CHD9: variants seen among roughly 807,000 people sequenced by gnomAD.
The protein encoded by CHD9 is chromodomain helicase DNA binding protein 9, also known as ATP-dependent chromatin remodeler CHD9.
In CHD9, 77 loss-of-function variants were observed where a neutral mutation model predicts 316.1. The ratio of observed to expected loss-of-function variants is 0.24; its 90% CI spans 0.20 to 0.29. CHD9 has a LOEUF of 0.29. Among genes scored for constraint, CHD9 ranks in the 10% least tolerant of loss-of-function variants. CHD9 has a pLI of 1.00. For synonymous variants in CHD9, 1,129 were observed against 1,158.3 expected, an observed-to-expected ratio of 0.97 and a Z score of 0.51; for missense variants, 2,763 against 3,438.1, an observed-to-expected ratio of 0.80 and a Z score of 4.91.
intron 2 of CHD9, chr16:53,169,340 A>ATG (rs2042510181): frequency 6.6e-6 from 1 of 152,234 alleles, no homozygotes; most frequent in Admixed American, 6.5e-5. Context: ...AATTACAAGC[A>ATG]TGAGCCATGG....
intron 2 of CHD9, among the ~76,000 whole-genome samples, chr16:53,188,602 CTTTTTTTTTTT>C (rs369979479): frequency 0.053 from 3,739 of 71,210 alleles, 94 homozygotes; most frequent in Middle Eastern, 0.17. Context: ...TGGTCATTAC[CTTTTTTTTTTT>C]TTTTTTTTTT....
intron 1 of CHD9, among the ~76,000 whole-genome samples, chr16:53,110,145 C>T (rs1367856479): frequency 6.6e-6 from 1 of 152,214 alleles, no homozygotes; most frequent in Admixed American, 6.5e-5. Context: ...CCATTACTGT[C>T]TGGTCCCGGT....
chr16:53,114,242 G>T (rs1437939779), intron 1 of CHD9, among the ~76,000 whole-genome samples: 2 of 152,068 alleles, frequency 1.3e-5, no homozygotes, highest in Non-Finnish European at 2.9e-5. Context: ...TCTTCTGTGA[G>T]CATCATTATT....
chr16:53,176,383 G>A (rs2043104696), intron 2 of CHD9, among the ~76,000 whole-genome samples: 1 of 152,128 alleles, frequency 6.6e-6, no homozygotes, highest in African/African-American at 2.4e-5. Flanking sequence ...GGCCTACATG[G>A]ATAATTTAGG....
intron 1 of CHD9, among the ~76,000 whole-genome samples, chr16:53,058,136 T>C (rs1418313326): frequency 6.6e-6 from 1 of 152,214 alleles, no homozygotes; most frequent in East Asian, 1.9e-4. Flanking sequence ...TTTTTGTTTT[T>C]TTGAGATGGA....
Position 53,268,101 on chromosome 16 carries a change from G to A in CHD9, c.4692G>A (p.Gln1564=), listed in dbSNP as rs1335401940. 1.9e-6 allele frequency: 3 copies of A among 1,610,512 alleles called. No homozygotes were observed. The highest frequency in any genetic ancestry group is 4.5e-5 in the East Asian group (2 of 44,712). The change falls in exon 22 of 39, where the codon CAG becomes CAA. Residue 1564 remains glutamine (Q), a synonymous_variant. Coordinates refer to ENST00000447540, the MANE Select transcript of CHD9 (RefSeq NM_001308319.2). ...TCATTACTCCAACTGAAGATGGACA[G>A]ACACGAGAGCTACAGAATCATCTAG... ...WDLITPTEDG[Q]TRELQNHLGL... is the part of the protein sequence containing the mutation.
At chr16:53,066,880 CA>C (rs943018440) in intron 1 of CHD9, among the ~76,000 whole-genome samples, 65 of 151,242 alleles carry the variant, frequency 4.3e-4, no homozygotes, top group African/African-American at 1.5e-3. Context: ...TTTAGATTTA[CA>C]AAAAAAAATT....
chr16:53,321,573 A>C lies in CHD9; in HGVS notation c.7761A>C (p.Leu2587=). ...CTTTGAAAGATTTATGTAGATTCCT[A>C]AAAGAAAATTCAGAATATGGAGTAG... is the stretch of plus-strand genomic sequence containing the variant. ...APPLKDLCRF[L]KENSEYGVAP... Residue 2587 remains leucine (L), a synonymous_variant, in exon 38 of 39, where the codon CTA becomes CTC. Coordinates refer to ENST00000447540, the MANE Select transcript of CHD9 (RefSeq NM_001308319.2). The C allele has an allele frequency of 3.2e-6, 5 of 1,555,062 alleles. No homozygotes were observed. The highest frequency in any genetic ancestry group is 4.4e-6 in the Non-Finnish European group (5 of 1,145,316).
intron 1 of CHD9, among the ~76,000 whole-genome samples, chr16:53,127,478 ACT>A (rs2039020567): frequency 6.6e-6 from 1 of 152,126 alleles, no homozygotes; most frequent in Non-Finnish European, 1.5e-5. Flanking sequence ...GGAATTGGAA[ACT>A]CAGGCTGAGG....
chr16:53,085,239 T>C (rs542444224), intron 1 of CHD9, among the ~76,000 whole-genome samples: 1 of 151,718 alleles, frequency 6.6e-6, no homozygotes, highest in African/African-American at 2.4e-5. Flanking sequence ...TTTTTTTTTT[T>C]TTTTTTTTTT....
intron 15 of CHD9, among the ~76,000 whole-genome samples, chr16:53,246,209 G>T (rs182209642): frequency 6.6e-6 from 1 of 152,278 alleles, no homozygotes; most frequent in East Asian, 1.9e-4. Context: ...CAATTCTTGT[G>T]CTGTAATAAT....
Position 53,207,261 on chromosome 16 carries a change from A to G in CHD9, c.1453-2221A>G, listed in dbSNP as rs2045961600. Among the ~76,000 whole-genome samples, 3 of 152,238 alleles carry G rather than the reference A, an allele frequency of 2.0e-5. No individual in the cohort carries two copies. The South Asian group carries it at 6.2e-4, about 32-fold the overall frequency. On this transcript the variant is annotated intron_variant, in intron 2 of 38. Coordinates refer to ENST00000447540, the MANE Select transcript of CHD9 (RefSeq NM_001308319.2). ...TAAAATAGAATCAATTTTTATAGAA[A>G]GAAAAGTTGTACTGATGTTCAAATT... is the stretch of plus-strand genomic sequence containing the variant.
chr16:53,178,567 C>T (rs949101822), intron 2 of CHD9, among the ~76,000 whole-genome samples: 1 of 151,628 alleles, frequency 6.6e-6, no homozygotes, highest in Non-Finnish European at 1.5e-5. Context: ...CTTCCTGCCT[C>T]AGCCTCCCAT....
chr16:53,254,355 A>G, intron 17 of CHD9, 83 bp from the exon 18 acceptor site: 1 of 938,958 alleles, frequency 1.1e-6, no homozygotes, highest in Non-Finnish European at 1.5e-6. Context: ...GAATTCTTGT[A>G]TGTGTTTATA....
At chr16:53,141,478 T>C (rs2040103053) in intron 1 of CHD9, among the ~76,000 whole-genome samples, 1 of 152,256 alleles carries the variant, frequency 6.6e-6, no homozygotes, top group African/African-American at 2.4e-5. Flanking sequence ...TCATTTTAAC[T>C]CTTTTTTAAG....
intron 1 of CHD9, among the ~76,000 whole-genome samples, chr16:53,070,597 C>T (rs924819684): frequency 6.6e-6 from 1 of 151,436 alleles, no homozygotes; most frequent in African/African-American, 2.4e-5. Flanking sequence ...CTCTGTCACC[C>T]AGGCTGGAGT....
At chr16:53,175,265 A>AC (rs2043025380) in intron 2 of CHD9, among the ~76,000 whole-genome samples, 1 of 152,018 alleles carries the variant, frequency 6.6e-6, no homozygotes, top group Non-Finnish European at 1.5e-5. Flanking sequence ...TGCCATATAA[A>AC]CCAGTTACCT....
chr16:53,309,295 A>C (rs1372310119), intron 34 of CHD9, among the ~76,000 whole-genome samples: 1 of 152,250 alleles, frequency 6.6e-6, no homozygotes, highest in Non-Finnish European at 1.5e-5. Flanking sequence ...ACTTACAGAA[A>C]CAAGGTTCCT....
intron 1 of CHD9, among the ~76,000 whole-genome samples, chr16:53,136,444 A>G (rs2039714206): frequency 6.6e-6 from 1 of 152,108 alleles, no homozygotes; most frequent in South Asian, 2.1e-4. Flanking sequence ...TTGTAAGAGG[A>G]AGGAAAAAAT....
Sources: allele counts gnomAD v4.1 joint callset (sites outside exome capture counted in the v4.1 genomes callset), GRCh38; gene constraint gnomAD v4.1.1; transcripts MANE v1.5; gene names NCBI Gene and HGNC (gene_info 2026-07-23, HGNC 2026-07-21).